Variants in DDN observed in about 807,000 individuals in gnomAD.
DDN encodes dendrin.
In DDN, 4 loss-of-function variants were observed where a neutral mutation model predicts 7.3. The observed-to-expected ratio is 0.55, with a 90% CI of 0.27 to 1.25. The LOEUF (loss-of-function observed/expected upper bound fraction) is 1.25. Ranked by LOEUF, DDN falls within the 50% of genes most tolerant of loss-of-function variation. The probability of loss-of-function intolerance (pLI) is 0.12; values close to 1 mark genes in which losing one functional copy is unlikely to be tolerated. For missense variants in DDN, 933 were observed against 974.7 expected, an observed-to-expected ratio of 0.96 and a Z score of 0.57; for synonymous variants, 425 against 424.3, an observed-to-expected ratio of 1.00 and a Z score of -0.02.
Position 48,997,901 on chromosome 12 carries a change from C to G in DDN, c.975G>C (p.Leu325=). The change falls in exon 2 of 2, where the codon CTG becomes CTC. Residue 325 remains leucine (L), a synonymous_variant. Coordinates refer to ENST00000421952, the MANE Select transcript of DDN (RefSeq NM_015086.2). The stretch of plus-strand genomic sequence containing the variant: ...GGGGATGGCTGTCGCTACCACTGTT[C>G]AGGTCAGCAGCAGCCAGCCCCAGGC... The part of the protein sequence containing the change: ...EKSLGLAAAD[L]NSGSDSHPQA... 1 of 1,612,772 alleles carries G rather than the reference C, an allele frequency of 6.2e-7. No homozygotes were observed. Among genetic ancestry groups the G allele is most frequent in the African/African-American group, 1.3e-5 (1 of 75,042 alleles).
At chr12:48,998,797 C>T in intron 1 of DDN, 131 bp from the exon 2 acceptor site, 1 of 1,192,094 alleles carries the variant, frequency 8.4e-7, no homozygotes, top group Non-Finnish European at 1.1e-6. Context: ...TGCGCGTGTG[C>T]ACGTGCGTAT....
In DDN at chr12:48,997,803, G is replaced by A. The variant is rs61552095; in HGVS notation, c.1073C>T (p.Pro358Leu). The A allele has an allele frequency of 3.1e-6, 5 of 1,613,384 alleles. No homozygotes were observed. The African/African-American group carries it at 6.7e-5, about 22-fold the overall frequency. The change falls in exon 2 of 2, where the codon CCG becomes CTG. Residue 358 changes from proline to leucine, a missense_variant. By Grantham distance (98) the Pro-to-Leu change is moderately conservative. Transcript: ENST00000421952. ...AGSATAAPCA[P>L]HPAPRSRHHL... Reference sequence around the variant, plus strand: ...GTGCCTGGATCTGGGAGCGGGATGCGGGGCACAGGGAGCCGCAGTTGCAGA... The same window carrying A: ...GTGCCTGGATCTGGGAGCGGGATGCAGGGCACAGGGAGCCGCAGTTGCAGA...
rs780558363 is a variant in DDN at position 48,997,578 on chromosome 12, G to A, written c.1298C>T (p.Thr433Ile). The change falls in exon 2 of 2, where the codon ACC becomes ATC. Residue 433 changes from threonine (T) to isoleucine (I), a missense_variant. By Grantham distance (89) the Thr-to-Ile change is moderately conservative (BLOSUM62 -1). Transcript: ENST00000421952. Reference sequence around the variant, plus strand: ...GCGGGGCAAGGTGTGGGCACGGCGGGTCGCCTTCCAACCCTCCAGGGTCTC... The same window carrying A: ...GCGGGGCAAGGTGTGGGCACGGCGGATCGCCTTCCAACCCTCCAGGGTCTC... ...GPETLEGWKA[T>I]RRAHTLPRSS... The A allele has an allele frequency of 3.2e-6, 5 of 1,587,222 alleles. No individual in the cohort carries two copies. The East Asian group carries it at 9.0e-5, about 29-fold the overall frequency.
Position 48,997,524 on chromosome 12 carries a change from C to T in DDN, c.1352G>A (p.Gly451Asp), listed in dbSNP as rs773061599. Reference protein sequence around the residue: ...RSSQGLSRGEGVFVIDATCVV... With the variant: ...RSSQGLSRGEDVFVIDATCVV... ...GCACGTGGCGTCAATGACAAAGACG[C>T]CTTCCCCACGGGACAGGCCCTGGGA... Residue 451 changes from glycine to aspartate, a missense_variant, in exon 2 of 2, where the codon GGC (glycine) becomes GAC (aspartate). Transcript: ENST00000421952. 5.0e-6 allele frequency: 8 copies of T among 1,607,886 alleles called. No individual in the cohort carries two copies. The Admixed American group carries it at 1.2e-4, about 24-fold the overall frequency.
Position 48,997,008 on chromosome 12 carries a change from G to C in DDN, c.1868C>G (p.Ala623Gly), listed in dbSNP as rs1157624366. The part of the protein sequence containing the change: ...EAVSRIRRHT[A>G]PDSDTDEAEE... The stretch of plus-strand genomic sequence containing the variant: ...AGCTTCGTCCGTGTCCGAGTCAGGG[G>C]CTGTGTGGCGGCGGATACGGGACAC... The change falls in exon 2 of 2, where the codon GCC becomes GGC. Residue 623 changes from alanine (A) to glycine (G), a missense_variant. Physicochemically the swap from Ala to Gly is moderately conservative, Grantham distance 60 (BLOSUM62 0). Coordinates refer to ENST00000421952, the MANE Select transcript of DDN (RefSeq NM_015086.2). 1 of 1,568,346 alleles carries C rather than the reference G, an allele frequency of 6.4e-7. No homozygotes were observed. The highest frequency in any genetic ancestry group is 1.1e-5 in the South Asian group (1 of 87,336).
Position 48,999,284 on chromosome 12 carries a change from G to T in DDN, c.4C>A (p.Leu2Met). The change falls in exon 1 of 2, where the codon CTG becomes ATG. Residue 2 changes from leucine to methionine, a missense_variant. By Grantham distance (15) the Leu-to-Met change is conservative (BLOSUM62 2). Coordinates refer to ENST00000421952, the MANE Select transcript of DDN (RefSeq NM_015086.2). The part of the protein sequence containing the change: M[L>M]DGPLFSEGPD... The stretch of plus-strand genomic sequence containing the variant: ...CCCTCGGAGAACAGTGGGCCATCCA[G>T]CATCCTGCCCCACCCCACCCCGGCC... 1 of 1,546,798 alleles carries T rather than the reference G, an allele frequency of 6.5e-7. No homozygotes were observed.
At position 48,998,119 on chromosome 12, in the gene DDN, T is replaced by C. The variant is rs2137640824; in HGVS notation, c.757A>G (p.Thr253Ala). Residue 253 changes from threonine (T) to alanine (A), a missense_variant, in exon 2 of 2, where the codon ACT becomes GCT. Coordinates refer to ENST00000421952, the MANE Select transcript of DDN (RefSeq NM_015086.2). ...GGAGTCGCAGCTGGGGCTGATGAAG[T>C]GGGCACCTGAGAGTTCCCGGGGCCT... is the stretch of plus-strand genomic sequence containing the variant. ...KRGPGNSQVP[T>A]SSAPAATPAR... 3.7e-6 allele frequency: 6 copies of C among 1,613,784 alleles called. No individual in the cohort carries two copies. Among genetic ancestry groups the C allele is most frequent in the Non-Finnish European group, 5.1e-6 (6 of 1,180,016 alleles).
chr12:48,999,247 G>C lies in DDN; in HGVS notation c.41C>G (p.Pro14Arg), dbSNP rs781095751. The part of the protein sequence containing the change: ...GPLFSEGPDS[P>R]RELQDEESGS... ...AGACTCCTCATCCTGGAGCTCCCGGGGGCTGTCAGGCCCCTCGGAGAACAG... is the reference window on the plus strand; with the variant it reads ...AGACTCCTCATCCTGGAGCTCCCGGCGGCTGTCAGGCCCCTCGGAGAACAG... Residue 14 changes from proline to arginine, a missense_variant, in exon 1 of 2, where the codon CCC (proline) becomes CGC (arginine). Pro to Arg is a moderately radical substitution (Grantham distance 103). Transcript: ENST00000421952. 5 of 1,566,294 alleles carry C rather than the reference G, an allele frequency of 3.2e-6. No homozygotes were observed. In the South Asian group the frequency reaches 4.7e-5, roughly 15 times the overall value.
intron 1 of DDN, 47 bp from the exon 2 acceptor site, chr12:48,998,713 G>A (rs1002231985): frequency 1.4e-6 from 2 of 1,445,598 alleles, no homozygotes; most frequent in Non-Finnish European, 1.8e-6. Context: ...TGGGGGAAGG[G>A]AGCCGAGGTC....
At position 48,996,950 on chromosome 12, in the gene DDN, A is replaced by C. The variant is rs1425340885; in HGVS notation, c.1926T>G (p.Asp642Glu). The C allele has an allele frequency of 1.3e-6, 2 of 1,584,952 alleles. No individual in the cohort carries two copies. Among genetic ancestry groups the C allele is most frequent in the East Asian group, 4.6e-5 (2 of 43,420 alleles). The change falls in exon 2 of 2, where the codon GAT (aspartate) becomes GAG (glutamate). Residue 642 changes from aspartate to glutamate, a missense_variant. Coordinates refer to ENST00000421952, the MANE Select transcript of DDN (RefSeq NM_015086.2). The part of the protein sequence containing the change: ...EELSVHSGSS[D>E]GSDTEAPGAS... ...CGCCCGGGGCTTCTGTGTCGCTTCC[A>C]TCAGAGGAGCCGCTATGGACGCTGA...
chr12:48,996,790 C>T lies in DDN; in HGVS notation c.2086G>A (p.Gly696Arg). 6.2e-7 allele frequency: 1 copy of T among 1,614,176 alleles called. No homozygotes were observed. Among genetic ancestry groups the T allele is most frequent in the Non-Finnish European group, 8.5e-7 (1 of 1,180,006 alleles). Residue 696 changes from glycine to arginine, a missense_variant, in exon 2 of 2, where the codon GGG becomes AGG. Coordinates refer to ENST00000421952, the MANE Select transcript of DDN (RefSeq NM_015086.2). Reference protein sequence around the residue: ...VISQTEEVLFGVRDIRGTQQG... With the variant: ...VISQTEEVLFRVRDIRGTQQG... ...TGGGTCCCTCTGATGTCCCTCACCC[C>T]GAAGAGGACCTCCTCGGTTTGGCTT...
rs1487046999 is a variant in DDN, at chr12:48,998,356, C to A, written c.520G>T (p.Ala174Ser). The A allele has an allele frequency of 6.6e-7, 1 of 1,512,076 alleles. No individual in the cohort carries two copies. The highest frequency in any genetic ancestry group is 8.8e-7 in the Non-Finnish European group (1 of 1,137,756). The allele number at this position is 1,512,076 out of a possible 1,614,324, so 93.7% of individuals were successfully genotyped here. The change falls in exon 2 of 2, where the codon GCG becomes TCG. Residue 174 changes from alanine (A) to serine (S), a missense_variant. Transcript: ENST00000421952. ...TGCGGCTGCGCGGATGGACGGGGCG[C>A]TCGCCCCACAGGCGCCAGGCGCTCC... ...RPERLAPVGRAPRPSAQPQSD... is the reference protein window; with the variant it reads ...RPERLAPVGRSPRPSAQPQSD...
rs1023456815 is a variant in DDN at position 48,996,369 on chromosome 12, C to CT, written c.*370dup. 1 of 192,190 alleles carries CT rather than the reference C, an allele frequency of 5.2e-6. No individual in the cohort carries two copies. Among genetic ancestry groups the CT allele is most frequent in the Admixed American group, 5.4e-5 (1 of 18,646 alleles). The allele number at this position is 192,190 out of a possible 1,614,324, so 11.9% of individuals were successfully genotyped here. ...CACCAGGTCCAAAGCCTCTCCTTCA[C>CT]TTTTTCCCTCCTCCTCAGAGGCCCT... On this transcript the variant is annotated 3_prime_UTR_variant, in exon 2 of 2. Transcript: ENST00000421952.
At chr12:48,998,879 C>T (rs1407129371) in intron 1 of DDN, among the ~76,000 whole-genome samples, 200 bp downstream of exon 1, 1 of 152,228 alleles carries the variant, frequency 6.6e-6, no homozygotes, top group Non-Finnish European at 1.5e-5. Flanking sequence ...TCTGCCCCAT[C>T]TCACCTCCTG....
chr12:48,998,353 G>A lies in DDN; in HGVS notation c.523C>T (p.Pro175Ser), dbSNP rs779159480. ...CTCTGCGGCTGCGCGGATGGACGGG[G>A]CGCTCGCCCCACAGGCGCCAGGCGC... ...PERLAPVGRAPRPSAQPQSDP... is the reference protein window; with the variant it reads ...PERLAPVGRASRPSAQPQSDP... Residue 175 changes from proline to serine, a missense_variant, in exon 2 of 2, where the codon CCC (proline) becomes TCC (serine). Physicochemically the swap from Pro to Ser is moderately conservative, Grantham distance 74 (BLOSUM62 -1). Coordinates refer to ENST00000421952, the MANE Select transcript of DDN (RefSeq NM_015086.2). The A allele has an allele frequency of 4.6e-6, 7 of 1,514,340 alleles. No homozygotes were observed. Among genetic ancestry groups the A allele is most frequent in the Non-Finnish European group, 3.5e-6 (4 of 1,138,696 alleles). The allele number at this position is 1,514,340 out of a possible 1,614,324, so 93.8% of individuals were successfully genotyped here.
chr12:48,999,079 G>T lies in DDN; in HGVS notation c.209C>A (p.Thr70Lys). 1 of 1,613,798 alleles carries T rather than the reference G, an allele frequency of 6.2e-7. No homozygotes were observed. Among genetic ancestry groups the T allele is most frequent in the Non-Finnish European group, 8.5e-7 (1 of 1,179,868 alleles). ...TTCCCCTCACCCCTGCTTCACTCAC[G>T]TGCGGTTCTGGAACCCGCGAGCCCA... is the stretch of plus-strand genomic sequence containing the variant. ...SHWARGFQNR[T>K]CGPRPGSPQP... The change falls in exon 1 of 2, where the codon ACG becomes AAG. Residue 70 changes from threonine to lysine, a missense_variant and splice_region_variant. By Grantham distance (78) the Thr-to-Lys change is moderately conservative. Transcript: ENST00000421952.
chr12:48,998,210 G>C lies in DDN; in HGVS notation c.666C>G (p.Asp222Glu). 2 of 1,612,758 alleles carry C rather than the reference G, an allele frequency of 1.2e-6. No homozygotes were observed. Among genetic ancestry groups the C allele is most frequent in the Non-Finnish European group, 1.7e-6 (2 of 1,179,794 alleles). ...GTGGAGCCACGTAGGGTGGCGGCCG[G>C]TCCCAGCGGCGTCGTGGGGCGGTCC... ...SAGTAPRRRWDRPPPYVAPPS... is the reference protein window; with the variant it reads ...SAGTAPRRRWERPPPYVAPPS... The change falls in exon 2 of 2, where the codon GAC becomes GAG. Residue 222 changes from aspartate to glutamate, a missense_variant. Coordinates refer to ENST00000421952, the MANE Select transcript of DDN (RefSeq NM_015086.2).
chr12:48,999,335 G>T lies in DDN; in HGVS notation c.-48C>A. On this transcript the variant is annotated 5_prime_UTR_variant, in exon 1 of 2. Coordinates refer to ENST00000421952, the MANE Select transcript of DDN (RefSeq NM_015086.2). Reference sequence around the variant, plus strand: ...CCCCACCCTCCCACCCGCCCCAGGAGCCCCCTCCCAGCCCAGGGAGCCGGC... The same window carrying T: ...CCCCACCCTCCCACCCGCCCCAGGATCCCCCTCCCAGCCCAGGGAGCCGGC... 1 of 1,175,914 alleles carries T rather than the reference G, an allele frequency of 8.5e-7. No individual in the cohort carries two copies. The allele number at this position is 1,175,914 out of a possible 1,614,324, so 72.8% of individuals were successfully genotyped here.
Position 48,998,395 on chromosome 12 carries a change from C to A in DDN, c.481G>T (p.Ala161Ser), listed in dbSNP as rs1197208145. The A allele has an allele frequency of 1.3e-6, 2 of 1,496,008 alleles. No homozygotes were observed. The highest frequency in any genetic ancestry group is 1.8e-6 in the Non-Finnish European group (2 of 1,131,312). 92.7% of individuals were successfully genotyped at this position (1,496,008 alleles called of 1,614,324 possible). A position where few individuals can be genotyped will look rare whatever the true frequency, so the allele number is the denominator to read the frequency against. Residue 161 changes from alanine to serine, a missense_variant, in exon 2 of 2, where the codon GCT becomes TCT. By Grantham distance (99) the Ala-to-Ser change is moderately conservative (BLOSUM62 1). Coordinates refer to ENST00000421952, the MANE Select transcript of DDN (RefSeq NM_015086.2). ...PRVAQLAGLP[A>S]PLRPERLAPV... Reference sequence around the variant, plus strand: ...GCCAGGCGCTCCGGCCGCAAGGGAGCAGGGAGCCCTGCCAGCTGGGCCACC... The same window carrying A: ...GCCAGGCGCTCCGGCCGCAAGGGAGAAGGGAGCCCTGCCAGCTGGGCCACC...
Sources: allele counts gnomAD v4.1 joint callset (sites outside exome capture counted in the v4.1 genomes callset), GRCh38; gene constraint gnomAD v4.1.1; transcripts MANE v1.5; gene names NCBI Gene and HGNC (gene_info 2026-07-23, HGNC 2026-07-21).